The following CCDC15 variants were observed in gnomAD, a reference collection of about 807,000 sequenced individuals.
CCDC15 encodes the protein coiled-coil domain-containing protein 15.
Under a neutral mutation model 114.5 loss-of-function variants are expected in CCDC15, and 105 were observed. That is an observed-to-expected ratio of 0.92 (90% CI 0.78 to 1.08). The LOEUF (loss-of-function observed/expected upper bound fraction) is 1.08. Ranked by LOEUF, CCDC15 falls within the 50% of genes least tolerant of loss-of-function variation. The probability of loss-of-function intolerance (pLI) is 0.00; values close to 1 mark genes in which losing one functional copy is unlikely to be tolerated. For synonymous variants in CCDC15, 334 were observed against 377.8 expected, an observed-to-expected ratio of 0.88 and a Z score of 1.34; for missense variants, 1,105 against 1,093.6, an observed-to-expected ratio of 1.01 and a Z score of -0.15.
At chr11:125,016,515 C>G (rs1413720606) in intron 13 of CCDC15, among the ~76,000 whole-genome samples, 1 of 152,132 alleles carries the variant, frequency 6.6e-6, no homozygotes, top group African/African-American at 2.4e-5. Flanking sequence ...ATAACAATTT[C>G]AGCATCTAAG....
At chr11:124,998,591 A>G (rs1237911009) in intron 11 of CCDC15, among the ~76,000 whole-genome samples, 1 of 152,168 alleles carries the variant, frequency 6.6e-6, no homozygotes, top group African/African-American at 2.4e-5. Context: ...TAAATGTAGA[A>G]GCTTTATAAT....
chr11:124,986,787 G>C lies in CCDC15; in HGVS notation c.799G>C (p.Val267Leu). The C allele has an allele frequency of 6.4e-7, 1 of 1,551,666 alleles. No homozygotes were observed. ...TGACTATGAGGAATCTTCATCTCTT[G>C]TAACTGATGAGAAAGGGAAAGAAGA... ...EPDYEESSSL[V>L]TDEKGKEDLF... The change falls in exon 7 of 16, where the codon GTA (valine) becomes CTA (leucine). Residue 267 changes from valine to leucine, a missense_variant. Coordinates refer to ENST00000344762, the MANE Select transcript of CCDC15 (RefSeq NM_025004.3).
Position 124,954,773 on chromosome 11 carries a change from C to T in CCDC15, c.41C>T (p.Ser14Leu). The change falls in exon 2 of 16, where the codon TCA becomes TTA. Residue 14 changes from serine (S) to leucine (L), a missense_variant. Coordinates refer to ENST00000344762, the MANE Select transcript of CCDC15 (RefSeq NM_025004.3). The part of the protein sequence containing the change: ...SMARKKPRNT[S>L]RLPLALNPLK... Reference sequence around the variant, plus strand: ...GCCCGAAAGAAACCTCGAAATACCTCAAGGTTGCCCCTGGCTTTAAACCCC... The same window carrying T: ...GCCCGAAAGAAACCTCGAAATACCTTAAGGTTGCCCCTGGCTTTAAACCCC... 2.5e-6 allele frequency: 4 copies of T among 1,613,972 alleles called. No individual in the cohort carries two copies. The highest frequency in any genetic ancestry group is 3.4e-6 in the Non-Finnish European group (4 of 1,179,868).
chr11:124,966,125 G>A (rs1206998775), intron 4 of CCDC15, among the ~76,000 whole-genome samples: 1 of 152,180 alleles, frequency 6.6e-6, no homozygotes, highest in Non-Finnish European at 1.5e-5. Flanking sequence ...CTGTTGATTT[G>A]GGGTGGAGAG....
At chr11:124,962,076 C>T (rs932799594) in intron 4 of CCDC15, among the ~76,000 whole-genome samples, 1 of 152,018 alleles carries the variant, frequency 6.6e-6, no homozygotes, top group African/African-American at 2.4e-5. Context: ...CTGAAGAATG[C>T]TCAGTGACTT....
At chr11:124,956,452 A>AT (rs1947551349) in intron 2 of CCDC15, among the ~76,000 whole-genome samples, 1 of 152,040 alleles carries the variant, frequency 6.6e-6, no homozygotes. Flanking sequence ...GGAAAAAAAA[A>AT]AGGAGTGGAA....
chr11:125,012,607 T>G (rs1402737880), intron 13 of CCDC15, among the ~76,000 whole-genome samples: 1 of 152,114 alleles, frequency 6.6e-6, no homozygotes, highest in Non-Finnish European at 1.5e-5. Context: ...AATATTACAC[T>G]TTAGTTGGGT....
chr11:125,021,903 A>G (rs1218149509), intron 13 of CCDC15, among the ~76,000 whole-genome samples: 3 of 151,930 alleles, frequency 2.0e-5, no homozygotes, highest in Non-Finnish European at 4.4e-5. Context: ...TCCATCATTG[A>G]AAACTTCAAT....
intron 15 of CCDC15, among the ~76,000 whole-genome samples, chr11:125,039,879 C>T (rs538534980): frequency 6.6e-6 from 1 of 152,252 alleles, no homozygotes; most frequent in African/African-American, 2.4e-5. Flanking sequence ...TCCTTTTGCA[C>T]CTCACACTCA....
intron 13 of CCDC15, among the ~76,000 whole-genome samples, chr11:125,034,862 C>G (rs753005194): frequency 1.2e-4 from 19 of 152,158 alleles, no homozygotes; most frequent in African/African-American, 3.4e-4. Context: ...GTACCAAAAT[C>G]TGTATTACTC....
In CCDC15 at chr11:125,024,301, A is replaced by G. The variant is rs1948680847; in HGVS notation, c.2412-14130A>G. 1.3e-5 allele frequency among the ~76,000 whole-genome samples: 2 copies of G among 152,046 alleles called. 1 individual carries two copies. Among genetic ancestry groups the G allele is most frequent in the Non-Finnish European group, 2.9e-5 (2 of 67,938 alleles). On this transcript the variant is annotated intron_variant, in intron 13 of 15. Coordinates refer to ENST00000344762, the MANE Select transcript of CCDC15 (RefSeq NM_025004.3). ...TTTTCAGAGTTGTCTTGACTATTCT[A>G]GGCCCTTTGCATTTTTGTGTGAATT...
chr11:125,030,316 C>A (rs1948729629), intron 13 of CCDC15, among the ~76,000 whole-genome samples: 2 of 152,124 alleles, frequency 1.3e-5, no homozygotes, highest in South Asian at 4.1e-4. Context: ...ATTGTGACTT[C>A]AAAAGGATAT....
At position 124,962,796 on chromosome 11, in the gene CCDC15, C is replaced by T. The variant is rs529519050; in HGVS notation, c.516+2793C>T. Among the ~76,000 whole-genome samples, 46 of 152,244 alleles carry T rather than the reference C, an allele frequency of 3.0e-4. No individual in the cohort carries two copies. The South Asian group carries it at 6.2e-3, about 21-fold the overall frequency. ...TATTTCTCCTAATGCTATCCCTCCC[C>T]GCTTCCCACCATGCCACGACAGGCC... On this transcript the variant is annotated intron_variant, in intron 4 of 15. Transcript: ENST00000344762.
At chr11:125,025,058 A>ATATATATGAATG (rs1591612579) in intron 13 of CCDC15, among the ~76,000 whole-genome samples, 1 of 101,432 alleles carries the variant, frequency 9.9e-6, no homozygotes, top group East Asian at 2.2e-4. Flanking sequence ...ATATATGAAT[A>ATATATATGAATG]TATATATGAA....
chr11:125,025,337 G>C (rs1948694041), intron 13 of CCDC15, among the ~76,000 whole-genome samples: 1 of 151,190 alleles, frequency 6.6e-6, no homozygotes, highest in Admixed American at 6.6e-5. Context: ...TTATGTCTAT[G>C]TTCTGAGAGA....
chr11:125,003,366 T>G (rs1948508754), intron 11 of CCDC15, among the ~76,000 whole-genome samples: 1 of 151,960 alleles, frequency 6.6e-6, no homozygotes, highest in Non-Finnish European at 1.5e-5. Flanking sequence ...ATATACCAAG[T>G]TATGTTATAA....
chr11:125,013,187 G>A (rs1328718455), intron 13 of CCDC15, among the ~76,000 whole-genome samples: 1 of 152,134 alleles, frequency 6.6e-6, no homozygotes, highest in African/African-American at 2.4e-5. Flanking sequence ...GATAGTCTAG[G>A]GAGGTCAAGA....
chr11:125,012,283 G>C (rs1948597737), intron 13 of CCDC15, among the ~76,000 whole-genome samples: 1 of 152,206 alleles, frequency 6.6e-6, no homozygotes, highest in Non-Finnish European at 1.5e-5. Flanking sequence ...ACAGGCCAAA[G>C]TGGGACTATT....
chr11:125,014,922 A>G (rs1350631404), intron 13 of CCDC15, among the ~76,000 whole-genome samples: 2 of 152,218 alleles, frequency 1.3e-5, no homozygotes, highest in Admixed American at 1.3e-4. Context: ...TCCACAGTTC[A>G]TCTTACTTTT....
Sources: gnomAD v4.1 joint callset for allele counts (sites outside exome capture counted in the v4.1 genomes callset) on GRCh38, gnomAD v4.1.1 for gene constraint, MANE v1.5 for transcripts, NCBI Gene and HGNC (gene_info 2026-07-23, HGNC 2026-07-21) for gene names.